The following NBEAL1 variants were observed in gnomAD, a reference collection of about 807,000 sequenced individuals.
NBEAL1 encodes the protein neurobeachin-like protein 1.
Under a neutral mutation model 351.3 loss-of-function variants are expected in NBEAL1, and 273 were observed. The ratio of observed to expected loss-of-function variants is 0.78; its 90% CI spans 0.70 to 0.86. The LOEUF is 0.86. Ranked by LOEUF, NBEAL1 falls within the 40% of genes least tolerant of loss-of-function variation. The pLI is 0.00. For missense variants in NBEAL1, 2,961 were observed against 3,201.3 expected (o/e 0.92, Z 1.81); for synonymous variants, 1,050 against 1,086.4 (o/e 0.97, Z 0.66).
chr2:203,038,960 G>A (rs965463235), intron 2 of NBEAL1, among the ~76,000 whole-genome samples: 6 of 148,854 alleles, frequency 4.0e-5, no homozygotes, highest in African/African-American at 1.2e-4. Flanking sequence ...GGTTACAGTC[G>A]TGAGCCACTG....
intron 34 of NBEAL1, among the ~76,000 whole-genome samples, 165 bp downstream of exon 34, chr2:203,149,313 A>AT (rs1329158329): frequency 1.3e-5 from 2 of 152,058 alleles, no homozygotes; most frequent in African/African-American, 4.8e-5. Flanking sequence ...GTCTGGGATG[A>AT]TTCGAGGTTG....
At position 203,126,814 on chromosome 2, in the gene NBEAL1, T is replaced by C. The variant is rs759645367; in HGVS notation, c.3146-10T>C. ...AGCTGAATTACTTACCATTGAACTT[T>C]TTATTTTAGGTCACATACAGTATCT... On this transcript the variant is annotated splice_polypyrimidine_tract_variant and intron_variant, in intron 22 of 55. Transcript: ENST00000683969. 6.5e-7 allele frequency: 1 copy of C among 1,546,574 alleles called. No individual in the cohort carries two copies. Among genetic ancestry groups the C allele is most frequent in the Admixed American group, 2.0e-5 (1 of 49,778 alleles).
rs1396226637 is a variant in NBEAL1 at position 203,223,549 on chromosome 2, T to C, written c.*6195T>C. On this transcript the variant is annotated 3_prime_UTR_variant, in exon 56 of 56. Coordinates refer to ENST00000683969, the MANE Select transcript of NBEAL1 (RefSeq NM_001378026.1). ...ATGCTGTTACAATGTAGCATTGTAA[T>C]GTAAGATGAAGAAAAATTAGGATTT... 4.6e-5 allele frequency among the ~76,000 whole-genome samples: 7 copies of C among 152,184 alleles called. No individual in the cohort carries two copies. The East Asian group carries it at 1.2e-3, about 25-fold the overall frequency.
intron 2 of NBEAL1, among the ~76,000 whole-genome samples, chr2:203,035,426 T>C (rs1047691032): frequency 6.7e-6 from 1 of 149,566 alleles, no homozygotes; most frequent in African/African-American, 2.4e-5. Context: ...TCTTAATTAA[T>C]GGCAGATGGG....
intron 39 of NBEAL1, among the ~76,000 whole-genome samples, chr2:203,171,289 TAATAA>T (rs55665139): frequency 0.31 from 47,218 of 151,600 alleles, 7,901 homozygotes; most frequent in East Asian, 0.61. Context: ...AAAAATGAAA[TAATAA>T]AATAAAATGT....
chr2:203,057,746 A>T (rs1191106973), intron 6 of NBEAL1, among the ~76,000 whole-genome samples: 1 of 41,452 alleles, frequency 2.4e-5, no homozygotes, highest in African/African-American at 4.0e-5. Flanking sequence ...TTTTTCAAGA[A>T]AAGTTATTTT....
chr2:203,060,930 A>T (rs1195132714), intron 6 of NBEAL1, among the ~76,000 whole-genome samples: 1 of 152,230 alleles, frequency 6.6e-6, no homozygotes, highest in East Asian at 1.9e-4. Flanking sequence ...GTCCATCTAC[A>T]GTTTGTTACC....
intron 4 of NBEAL1, among the ~76,000 whole-genome samples, chr2:203,052,731 T>TTTATTTAC (rs1483775059): frequency 6.7e-6 from 1 of 149,574 alleles, no homozygotes; most frequent in African/African-American, 2.4e-5. Context: ...TATTTATTTA[T>TTTATTTAC]TTATTTATTT....
At chr2:203,160,245 T>C (rs2063911510) in intron 36 of NBEAL1, among the ~76,000 whole-genome samples, 1 of 152,062 alleles carries the variant, frequency 6.6e-6, no homozygotes. Context: ...ATGCTCCCGC[T>C]AATTTTTGTA....
intron 10 of NBEAL1, among the ~76,000 whole-genome samples, chr2:203,092,315 G>C (rs2062082246): frequency 6.6e-6 from 1 of 151,990 alleles, no homozygotes; most frequent in Non-Finnish European, 1.5e-5. Context: ...CAGCACTTTG[G>C]GAAGCTGAGG....
chr2:203,204,522 A>T (rs962892575), intron 51 of NBEAL1, among the ~76,000 whole-genome samples: 2 of 150,712 alleles, frequency 1.3e-5, no homozygotes, highest in African/African-American at 4.9e-5. Context: ...GTAGAGAGAA[A>T]ATGATTGTCT....
intron 20 of NBEAL1, 116 bp downstream of exon 20, chr2:203,125,636 A>G: frequency 3.1e-6 from 3 of 964,844 alleles, no homozygotes; most frequent in Non-Finnish European, 4.2e-6. Flanking sequence ...TAGCTGTAGC[A>G]GTTGTTTCTA....
chr2:203,069,628 G>A (rs1329684458), intron 7 of NBEAL1, among the ~76,000 whole-genome samples: 1 of 152,158 alleles, frequency 6.6e-6, no homozygotes, highest in Non-Finnish European at 1.5e-5. Context: ...CCAAAGTATT[G>A]TATATTGTAT....
intron 38 of NBEAL1, among the ~76,000 whole-genome samples, chr2:203,168,598 A>G (rs917476450): frequency 6.6e-6 from 1 of 151,406 alleles, no homozygotes; most frequent in African/African-American, 2.4e-5. Context: ...ATAGGTAAAT[A>G]AATAAGGCAG....
intron 6 of NBEAL1, among the ~76,000 whole-genome samples, chr2:203,066,835 C>T (rs1332556078): frequency 2.2e-4 from 31 of 138,836 alleles, no homozygotes; most frequent in African/African-American, 5.0e-4. Flanking sequence ...CGGGCAGAGG[C>T]GCTCCTCACA....
rs888254959 is a variant in NBEAL1 at position 203,133,075 on chromosome 2, A to G, written c.3742A>G (p.Lys1248Glu). 12 of 1,487,890 alleles carry G rather than the reference A, an allele frequency of 8.1e-6. No homozygotes were observed. The highest frequency in any genetic ancestry group is 1.1e-5 in the Non-Finnish European group (12 of 1,101,800). 92.2% of individuals were successfully genotyped at this position (1,487,890 alleles called of 1,614,324 possible). ...TACCATAGATCCTGTTATTAATTTCAAAGATCTACTATCTGTGGTATATAT... is the reference window on the plus strand; with the variant it reads ...TACCATAGATCCTGTTATTAATTTCGAAGATCTACTATCTGTGGTATATAT... ...IINTDPVINF[K>E]DLLSVVYISH... The change falls in exon 27 of 56, where the codon AAA (lysine) becomes GAA (glutamate). Residue 1248 changes from lysine to glutamate, a missense_variant. Lys to Glu is a moderately conservative substitution (Grantham distance 56). Transcript: ENST00000683969.
intron 43 of NBEAL1, chr2:203,182,465 A>T (rs1437757110): frequency 6.6e-6 from 1 of 152,216 alleles, no homozygotes; most frequent in Non-Finnish European, 1.5e-5. Context: ...AGTCACCTGG[A>T]ATGGGCATGA....
In NBEAL1 at chr2:203,125,973, G is replaced by C. The variant is rs748649910; in HGVS notation, c.2865G>C (p.Glu955Asp). Residue 955 changes from glutamate (E) to aspartate (D), a missense_variant, in exon 21 of 56, where the codon GAG becomes GAC. Glu to Asp is a conservative substitution (Grantham distance 45, BLOSUM62 2). Transcript: ENST00000683969. The stretch of plus-strand genomic sequence containing the variant: ...CTGATTCTACAGAGTCAAGACTAGA[G>C]AGAAACCTAGTTGCAACATTTATCT... ...TSTKASESRL[E>D]RNLVATFILI... 34 of 1,534,292 alleles carry C rather than the reference G, an allele frequency of 2.2e-5. No homozygotes were observed. The Middle Eastern group carries it at 5.0e-4, about 23-fold the overall frequency.
At position 203,211,084 on chromosome 2, in the gene NBEAL1, CTGTCTATA is replaced by C; in HGVS notation, c.7913_7920del (p.Leu2638GlnfsTer50). 1 of 1,592,762 alleles carries C rather than the reference CTGTCTATA, an allele frequency of 6.3e-7. No homozygotes were observed. Among genetic ancestry groups the C allele is most frequent in the Non-Finnish European group, 8.6e-7 (1 of 1,169,330 alleles). ...TGTCACAGGCAGCATACAAGGATTC[CTGTCTATA>C]AGAGATCTCCACAGGTAAATAATAA... On this transcript the variant is annotated frameshift_variant, in exon 54 of 56. Transcript: ENST00000683969. LOFTEE classifies it high-confidence loss of function.
Sources: gnomAD v4.1 joint callset for allele counts (sites outside exome capture counted in the v4.1 genomes callset) on GRCh38, gnomAD v4.1.1 for gene constraint, MANE v1.5 for transcripts, NCBI Gene and HGNC (gene_info 2026-07-23, HGNC 2026-07-21) for gene names.